Variants in NDUFA6 observed in about 807,000 individuals in gnomAD.
NDUFA6 encodes NADH:ubiquinone oxidoreductase subunit A6, also known as NADH dehydrogenase [ubiquinone] 1 alpha subcomplex subunit 6.
Under a neutral mutation model 12.5 loss-of-function variants are expected in NDUFA6, and 10 were observed. The ratio of observed to expected loss-of-function variants is 0.80; its 90% CI spans 0.49 to 1.35. NDUFA6 has a LOEUF of 1.35. Among genes scored for constraint, NDUFA6 ranks in the 40% most tolerant of loss-of-function variants. The probability of loss-of-function intolerance (pLI) is 0.00; values close to 1 mark genes in which losing one functional copy is unlikely to be tolerated. For synonymous variants in NDUFA6, 66 were observed against 63.0 expected (o/e 1.05, Z -0.23); for missense variants, 177 against 173.5 (o/e 1.02, Z -0.11).
At chr22:42,086,683 G>A (rs747687643) in intron 2 of NDUFA6, among the ~76,000 whole-genome samples, 1 of 152,178 alleles carries the variant, frequency 6.6e-6, no homozygotes, top group Non-Finnish European at 1.5e-5. Flanking sequence ...TGGCCAGGGG[G>A]ACAGAATCAG....
intron 1 of NDUFA6, among the ~76,000 whole-genome samples, chr22:42,088,336 A>G (rs1013680749): frequency 2.0e-5 from 3 of 151,536 alleles, no homozygotes; most frequent in Non-Finnish European, 4.4e-5. Context: ...GAACCCGGGA[A>G]GCGGAGCTTG....
rs753296972 is a variant in NDUFA6 at position 42,090,596 on chromosome 22, T to C, written c.139+10A>G. The C allele has an allele frequency of 6.2e-7, 1 of 1,613,406 alleles. No homozygotes were observed. The highest frequency in any genetic ancestry group is 1.1e-5 in the South Asian group (1 of 91,078). The stretch of plus-strand genomic sequence containing the variant: ...GCCTCCGGGTCCCCACGTAAGCCGC[T>C]ACCTCTCACCAGTGTTCGGCACCTC... On this transcript the variant is annotated intron_variant, in intron 1 of 2. Transcript: ENST00000498737.
At chr22:42,087,231 G>C (rs1928313207) in intron 1 of NDUFA6, 56 bp from the exon 2 acceptor site, 1 of 1,285,206 alleles carries the variant, frequency 7.8e-7, no homozygotes, top group African/African-American at 1.5e-5. Context: ...AAAACCTAGA[G>C]TCAAATGATA....
chr22:42,088,300 A>G (rs62238593), intron 1 of NDUFA6, among the ~76,000 whole-genome samples: 85 of 151,394 alleles, frequency 5.6e-4, no homozygotes, highest in African/African-American at 2.0e-3. Flanking sequence ...CCAGCTACTC[A>G]GGAGGCTGAG....
chr22:42,088,883 G>A lies in NDUFA6; in HGVS notation c.140-1708C>T, dbSNP rs145878452. On this transcript the variant is annotated intron_variant, in intron 1 of 2. Coordinates refer to ENST00000498737, the MANE Select transcript of NDUFA6 (RefSeq NM_002490.6). ...TTGATTCCTCAGCTGGAGTCCTGAT[G>A]ATGGATACCATAAAACCCGTGTGGC... Among the ~76,000 whole-genome samples, 852 of 152,122 alleles carry A rather than the reference G, an allele frequency of 5.6e-3. 11 individuals are homozygous for A. The highest frequency in any genetic ancestry group is 0.027 in the Middle Eastern group (8 of 294).
At position 42,086,028 on chromosome 22, in the gene NDUFA6, C is replaced by A; in HGVS notation, c.*155G>T. 1.1e-6 allele frequency: 1 copy of A among 894,702 alleles called. No individual in the cohort carries two copies. Among genetic ancestry groups the A allele is most frequent in the Non-Finnish European group, 1.8e-6 (1 of 545,898 alleles). The allele number at this position is 894,702 out of a possible 1,614,324, so 55.4% of individuals were successfully genotyped here. ...CCACATTTCAAGAAAAGGGAAAGAA[C>A]AGGTGATGTGTATACCAAGGTCCCA... On this transcript the variant is annotated 3_prime_UTR_variant, in exon 3 of 3. Coordinates refer to ENST00000498737, the MANE Select transcript of NDUFA6 (RefSeq NM_002490.6).
At chr22:42,089,492 A>G (rs1928491604) in intron 1 of NDUFA6, 1 of 151,916 alleles carries the variant, frequency 6.6e-6, no homozygotes, top group African/African-American at 2.4e-5. Flanking sequence ...GTCAGTAGCA[A>G]TTTTTCCAAA....
chr22:42,090,606 C>T lies in NDUFA6; in HGVS notation c.139G>A (p.Val47Met). 1 of 1,613,756 alleles carries T rather than the reference C, an allele frequency of 6.2e-7. No homozygotes were observed. Among genetic ancestry groups the T allele is most frequent in the African/African-American group, 1.3e-5 (1 of 75,074 alleles). The change falls in exon 1 of 3, where the codon GTG becomes ATG. Residue 47 changes from valine (V) to methionine (M), a missense_variant and splice_region_variant. Physicochemically the swap from Val to Met is conservative, Grantham distance 21. Coordinates refer to ENST00000498737, the MANE Select transcript of NDUFA6 (RefSeq NM_002490.6). ...RAWYREVPNT[V>M]HQFQLDITVK... ...CCCCACGTAAGCCGCTACCTCTCACCAGTGTTCGGCACCTCCCGATACCAG... is the reference window on the plus strand; with the variant it reads ...CCCCACGTAAGCCGCTACCTCTCACTAGTGTTCGGCACCTCCCGATACCAG...
intron 2 of NDUFA6, 100 bp downstream of exon 2, chr22:42,086,960 G>T: frequency 1.2e-6 from 1 of 866,288 alleles, no homozygotes; most frequent in Non-Finnish European, 2.0e-6. Flanking sequence ...CGAACCAGTA[G>T]CTGCTTTCTA....
chr22:42,089,981 C>T (rs1448469305), intron 1 of NDUFA6: 20 of 163,430 alleles, frequency 1.2e-4, no homozygotes, highest in Admixed American at 1.1e-3. Context: ...GAGATCGAGA[C>T]CATTCTGGCT....
At chr22:42,086,631 C>T (rs1286506169) in intron 2 of NDUFA6, among the ~76,000 whole-genome samples, 1 of 152,220 alleles carries the variant, frequency 6.6e-6, no homozygotes, top group African/African-American at 2.4e-5. Context: ...TCTTCTGTTA[C>T]TGACTGGTCT....
intron 2 of NDUFA6, among the ~76,000 whole-genome samples, chr22:42,086,532 G>A (rs1290839411): frequency 2.0e-5 from 3 of 152,170 alleles, no homozygotes; most frequent in Admixed American, 2.0e-4. Context: ...TGGTTAACTG[G>A]TACCAAGAGG....
At chr22:42,088,759 T>C (rs1260391583) in intron 1 of NDUFA6, among the ~76,000 whole-genome samples, 1 of 151,578 alleles carries the variant, frequency 6.6e-6, no homozygotes, top group African/African-American at 2.4e-5. Flanking sequence ...TTATCATTAC[T>C]GTTTTTTTCA....
intron 1 of NDUFA6, among the ~76,000 whole-genome samples, chr22:42,087,694 C>A (rs181084064): frequency 6.6e-6 from 1 of 151,772 alleles, no homozygotes; most frequent in East Asian, 1.9e-4. Flanking sequence ...TCCAGCTACT[C>A]GGGAGGCTGA....
chr22:42,086,195 G>T lies in NDUFA6; in HGVS notation c.375C>A (p.Gly125=), dbSNP rs781689565. 2.0e-5 allele frequency: 32 copies of T among 1,614,114 alleles called. No individual in the cohort carries two copies. In the Admixed American group the frequency reaches 5.2e-4, roughly 26 times the overall value. ...PKDFLSKFYV[G]HDP Reference sequence around the variant, plus strand: ...CCACTGAATGACTTCATGGATCGTGGCCAACATAGAACTTGGATAGGAAAT... The same window carrying T: ...CCACTGAATGACTTCATGGATCGTGTCCAACATAGAACTTGGATAGGAAAT... Residue 125 remains glycine, a synonymous_variant, in exon 3 of 3, where the codon GGC becomes GGA. Coordinates refer to ENST00000498737, the MANE Select transcript of NDUFA6 (RefSeq NM_002490.6).
rs549804720 is a variant in NDUFA6 at position 42,090,734 on chromosome 22, C to T, written c.11G>A (p.Ser4Asn). The T allele has an allele frequency of 4.3e-6, 7 of 1,614,134 alleles. No individual in the cohort carries two copies. The highest frequency in any genetic ancestry group is 1.7e-5 in the Admixed American group (1 of 60,032). ...GGTAGAAGTAGCTTGGCGGACGCCG[C>T]TCCCCGCCATCTTGCCAAAGCATCC... MAGSGVRQATSTAS... is the reference protein window; with the variant it reads MAGNGVRQATSTAS... Residue 4 changes from serine to asparagine, a missense_variant, in exon 1 of 3, where the codon AGC becomes AAC. Around this residue, in one of 3 missense-constraint regions of NDUFA6, gnomAD observed 111 missense variants for 87.2 expected, o/e 1.27. Coordinates refer to ENST00000498737, the MANE Select transcript of NDUFA6 (RefSeq NM_002490.6).
At chr22:42,087,297 C>T in intron 1 of NDUFA6, 122 bp from the exon 2 acceptor site, 1 of 760,022 alleles carries the variant, frequency 1.3e-6, no homozygotes, top group Admixed American at 1.9e-5. Context: ...ATTAGCCTGA[C>T]CCTAGGCTAG....
At chr22:42,087,336 G>T in intron 1 of NDUFA6, 161 bp from the exon 2 acceptor site, 1 of 659,364 alleles carries the variant, frequency 1.5e-6, no homozygotes, top group East Asian at 2.7e-5. Context: ...TGTGATTCAT[G>T]GTATTTGCTC....
rs767277367 is a variant in NDUFA6, at chr22:42,090,749, C to T, written c.-5G>A. 1.2e-6 allele frequency: 2 copies of T among 1,614,206 alleles called. No individual in the cohort carries two copies. The highest frequency in any genetic ancestry group is 1.1e-5 in the South Asian group (1 of 91,088). On this transcript the variant is annotated 5_prime_UTR_variant, in exon 1 of 3. The change creates a premature stop within an existing upstream ORF in the 5' untranslated region. Transcript: ENST00000498737. ...GCGGACGCCGCTCCCCGCCATCTTG[C>T]CAAAGCATCCACTCCACAACCCCAC... is the stretch of plus-strand genomic sequence containing the variant.
Sources: allele counts gnomAD v4.1 joint callset (sites outside exome capture counted in the v4.1 genomes callset), GRCh38; gene constraint gnomAD v4.1.1; regional missense constraint gnomAD v4.1.1; transcripts MANE v1.5; gene names NCBI Gene and HGNC (gene_info 2026-07-23, HGNC 2026-07-21).